SCAMP1: variants seen among roughly 807,000 people sequenced by gnomAD.
SCAMP1 encodes secretory carrier membrane protein 1.
In SCAMP1, 15 loss-of-function variants were observed where a neutral mutation model predicts 41.8. The observed-to-expected ratio is 0.36, with a 90% CI of 0.24 to 0.55. The LOEUF is 0.55. Among genes scored for constraint, SCAMP1 ranks in the 20% least tolerant of loss-of-function variants. SCAMP1 has a pLI of 0.86. For missense variants in SCAMP1, 341 were observed against 412.6 expected (o/e 0.83, Z 1.50); for synonymous variants, 135 against 136.8 (o/e 0.99, Z 0.09).
intron 7 of SCAMP1, among the ~76,000 whole-genome samples, chr5:78,452,233 T>C (rs1228994033): frequency 1.3e-5 from 2 of 151,292 alleles, no homozygotes; most frequent in Non-Finnish European, 2.9e-5. Context: ...GTGCACATTG[T>C]GCAGGTTAGT....
intron 6 of SCAMP1, among the ~76,000 whole-genome samples, chr5:78,425,851 C>T (rs756319523): frequency 6.6e-6 from 1 of 151,998 alleles, no homozygotes; most frequent in Non-Finnish European, 1.5e-5. Flanking sequence ...CATAGGTGTA[C>T]GTGTGCCATG....
intron 1 of SCAMP1, among the ~76,000 whole-genome samples, chr5:78,374,681 T>TATA (rs144529549): frequency 0.035 from 5,333 of 152,222 alleles, 116 homozygotes; most frequent in Non-Finnish European, 0.051. Flanking sequence ...CTCTAGAATC[T>TATA]ATAGAGTGTA....
intron 8 of SCAMP1, among the ~76,000 whole-genome samples, chr5:78,473,838 A>G (rs2112258365): frequency 6.6e-6 from 1 of 152,294 alleles, no homozygotes; most frequent in South Asian, 2.1e-4. Flanking sequence ...GCTATCATTT[A>G]TATGTTGTTT....
intron 8 of SCAMP1, among the ~76,000 whole-genome samples, chr5:78,469,524 T>A (rs1459339633): frequency 6.6e-6 from 1 of 151,936 alleles, no homozygotes; most frequent in African/African-American, 2.4e-5. Flanking sequence ...CCTTTTTCAA[T>A]AAGTACTAAG....
At chr5:78,361,585 C>T (rs956580912) in intron 1 of SCAMP1, among the ~76,000 whole-genome samples, 1 of 152,206 alleles carries the variant, frequency 6.6e-6, no homozygotes, top group Non-Finnish European at 1.5e-5. Flanking sequence ...CAAAGGAAGG[C>T]GGCTGAGATA....
intron 7 of SCAMP1, among the ~76,000 whole-genome samples, chr5:78,451,470 C>G (rs1006535566): frequency 1.3e-5 from 2 of 152,122 alleles, no homozygotes; most frequent in African/African-American, 4.8e-5. Flanking sequence ...CTCAAAACTC[C>G]CCTTTTCCCA....
chr5:78,410,066 G>A (rs1269849151), intron 2 of SCAMP1, among the ~76,000 whole-genome samples: 2 of 151,592 alleles, frequency 1.3e-5, no homozygotes, highest in Non-Finnish European at 2.9e-5. Context: ...GTGAACTTGG[G>A]ACAATATATG....
chr5:78,399,214 A>G (rs553135990), intron 2 of SCAMP1, among the ~76,000 whole-genome samples: 1 of 152,336 alleles, frequency 6.6e-6, no homozygotes, highest in South Asian at 2.1e-4. Flanking sequence ...TTAGCCATCC[A>G]CAAACTCAAG....
intron 1 of SCAMP1, among the ~76,000 whole-genome samples, chr5:78,365,134 T>A (rs1036317544): frequency 5.3e-5 from 8 of 152,110 alleles, no homozygotes; most frequent in Non-Finnish European, 1.0e-4. Flanking sequence ...TAATGTATAG[T>A]GGTTTTAATT....
intron 7 of SCAMP1, 27 bp downstream of exon 7, chr5:78,450,061 A>G: frequency 8.2e-7 from 1 of 1,212,250 alleles, no homozygotes; most frequent in Non-Finnish European, 1.2e-6. Flanking sequence ...ACTAGTTTTC[A>G]GCTTTAATCT....
rs1754100890 is a variant in SCAMP1 at position 78,479,992 on chromosome 5, G to A, written c.*4324G>A. Among the ~76,000 whole-genome samples the A allele has an allele frequency of 6.6e-6, 1 of 151,604 alleles. No homozygotes were observed. The highest frequency in any genetic ancestry group is 2.1e-4 in the South Asian group (1 of 4,800). ...ACCTGGGAGGCGGAGCTTGCAGTGA[G>A]CCGAGATCTCTCCACTGCACTCCAG... On this transcript the variant is annotated 3_prime_UTR_variant, in exon 9 of 9. Coordinates refer to ENST00000621999, the MANE Select transcript of SCAMP1 (RefSeq NM_004866.6).
chr5:78,434,541 CTTCT>C (rs1212024889), intron 6 of SCAMP1, among the ~76,000 whole-genome samples: 1 of 116,048 alleles, frequency 8.6e-6, no homozygotes, highest in Non-Finnish European at 1.8e-5. Context: ...CCCTTCCTTC[CTTCT>C]TTCTTCCTTC....
intron 2 of SCAMP1, among the ~76,000 whole-genome samples, chr5:78,400,513 T>C (rs1751771244): frequency 6.6e-6 from 1 of 152,224 alleles, no homozygotes; most frequent in Admixed American, 6.5e-5. Flanking sequence ...GAATATCTTT[T>C]ATTCTTCTTT....
intron 2 of SCAMP1, among the ~76,000 whole-genome samples, chr5:78,408,114 C>G (rs568255016): frequency 6.6e-6 from 1 of 152,078 alleles, no homozygotes; most frequent in Admixed American, 6.6e-5. Flanking sequence ...AAGACATACC[C>G]GAGACCAGGT....
intron 8 of SCAMP1, among the ~76,000 whole-genome samples, chr5:78,462,283 T>G (rs1318506436): frequency 6.6e-6 from 1 of 151,982 alleles, no homozygotes; most frequent in African/African-American, 2.4e-5. Context: ...ACGTTGTTGG[T>G]GTTTAGAAAT....
At chr5:78,471,172 G>A (rs889976955) in intron 8 of SCAMP1, among the ~76,000 whole-genome samples, 1 of 152,144 alleles carries the variant, frequency 6.6e-6, no homozygotes, top group Non-Finnish European at 1.5e-5. Flanking sequence ...AAAAGAAAAA[G>A]TACATACATG....
At chr5:78,376,123 T>C (rs1167464268) in intron 1 of SCAMP1, among the ~76,000 whole-genome samples, 2 of 152,172 alleles carry the variant, frequency 1.3e-5, no homozygotes, top group African/African-American at 4.8e-5. Flanking sequence ...CCTACCGATA[T>C]GTGATGTCAT....
intron 1 of SCAMP1, among the ~76,000 whole-genome samples, chr5:78,365,334 C>T (rs1486847954): frequency 6.6e-6 from 1 of 151,670 alleles, no homozygotes. Flanking sequence ...ATTAGCTTGG[C>T]GTGGTGGCGG....
intron 2 of SCAMP1, among the ~76,000 whole-genome samples, chr5:78,404,587 T>C (rs1361631131): frequency 6.6e-6 from 1 of 152,078 alleles, no homozygotes; most frequent in Non-Finnish European, 1.5e-5. Flanking sequence ...TCTCAGTCTT[T>C]TATTGAGTCT....
Sources: gnomAD v4.1 joint callset for allele counts (sites outside exome capture counted in the v4.1 genomes callset) on GRCh38, gnomAD v4.1.1 for gene constraint, MANE v1.5 for transcripts, NCBI Gene and HGNC (gene_info 2026-07-23, HGNC 2026-07-21) for gene names.